RNF213: variants seen among roughly 807,000 people sequenced by gnomAD.
RNF213 encodes the protein ring finger protein 213.
Under a neutral mutation model 514.4 loss-of-function variants are expected in RNF213, and 341 were observed. That is an observed-to-expected ratio of 0.66 (90% CI 0.61 to 0.73). The LOEUF is 0.73. RNF213 is among the 30% of genes least tolerant of loss of function. The pLI is 0.00. For synonymous variants in RNF213, 2,655 were observed against 2,658.2 expected, an observed-to-expected ratio of 1.00 and a Z score of 0.04; for missense variants, 5,767 against 6,615.6, an observed-to-expected ratio of 0.87 and a Z score of 4.45.
chr17:80,280,743 C>A (rs1172353898), intron 3 of RNF213, among the ~76,000 whole-genome samples: 3 of 152,138 alleles, frequency 2.0e-5, no homozygotes, highest in Admixed American at 1.3e-4. Flanking sequence ...GCATAAACCA[C>A]CACCCTAGCC....
chr17:80,290,626 A>T lies in RNF213; in HGVS notation c.1169A>T (p.His390Leu), dbSNP rs1338243292. 2.5e-6 allele frequency: 4 copies of T among 1,613,964 alleles called. No homozygotes were observed. The African/African-American group carries it at 5.3e-5, about 22-fold the overall frequency. ...TVFFHAIISLHFPFNPDLHKV... is the reference protein window; with the variant it reads ...TVFFHAIISLLFPFNPDLHKV... ...TTCTTCCACGCCATCATCTCTCTTC[A>T]TTTCCCATTCAATCCTGACCTCCAT... Residue 390 changes from histidine to leucine, a missense_variant, in exon 7 of 68, where the codon CAT becomes CTT. By Grantham distance (99) the His-to-Leu change is moderately conservative. Coordinates refer to ENST00000582970, the MANE Select transcript of RNF213 (RefSeq NM_001256071.3).
At chr17:80,359,698 G>A (rs890311887) in intron 37 of RNF213, among the ~76,000 whole-genome samples, 2 of 152,152 alleles carry the variant, frequency 1.3e-5, no homozygotes, top group South Asian at 2.1e-4. Flanking sequence ...AAGACAAGGC[G>A]CTGCTGATGT....
intron 2 of RNF213, among the ~76,000 whole-genome samples, chr17:80,268,829 T>C (rs541031539): frequency 6.6e-6 from 1 of 152,296 alleles, no homozygotes; most frequent in South Asian, 2.1e-4. Flanking sequence ...TATGGAGAAT[T>C]GGCTCACACA....
rs772520105 is a variant in RNF213, at chr17:80,369,787, ATCTC to A, written c.12352_12355del (p.Ser4118HisfsTer15). On this transcript the variant is annotated frameshift_variant, in exon 46 of 68. Coordinates refer to ENST00000582970, the MANE Select transcript of RNF213 (RefSeq NM_001256071.3). LOFTEE classifies it high-confidence loss of function. ...TTTAAGGACACTGTGAACACACAAA[ATCTC>A]TCTCTCCATTCAATGATGTTGTGGA... 5 of 1,613,876 alleles carry A rather than the reference ATCTC, an allele frequency of 3.1e-6. No individual in the cohort carries two copies. Among genetic ancestry groups the A allele is most frequent in the South Asian group, 1.1e-5 (1 of 91,068 alleles).
chr17:80,268,984 C>T (rs530633863), intron 2 of RNF213, among the ~76,000 whole-genome samples: 4 of 152,328 alleles, frequency 2.6e-5, no homozygotes, highest in African/African-American at 9.6e-5. Context: ...CGAGATCCCC[C>T]TGGCAAACCA....
At chr17:80,313,711 TGGA>T (rs2045671432) in intron 15 of RNF213, among the ~76,000 whole-genome samples, 2 of 144,014 alleles carry the variant, frequency 1.4e-5, no homozygotes, top group Admixed American at 6.9e-5. Context: ...ATGGTGGTGA[TGGA>T]GGTGGTGGTG....
chr17:80,315,591 G>GTGGTGA (rs199610554), intron 15 of RNF213: 2 of 5,718 alleles, frequency 3.5e-4, no homozygotes, highest in Admixed American at 3.7e-3. Context: ...GATGGTGGTG[G>GTGGTGA]TGGTGGTGGT....
chr17:80,263,773 T>C lies in RNF213; in HGVS notation c.92T>C (p.Ile31Thr). Residue 31 changes from isoleucine to threonine, a missense_variant, in exon 2 of 68, where the codon ATA (isoleucine) becomes ACA (threonine). Physicochemically the swap from Ile to Thr is moderately conservative, Grantham distance 89. Coordinates refer to ENST00000582970, the MANE Select transcript of RNF213 (RefSeq NM_001256071.3). This position sits in a 1 kb window ranked among gnomAD's most constrained non-coding sequence, Gnocchi z 4.9. ...CGERLPPAAP[I>T]ADSENNNSTM... ...GAGAGGCTGCCTCCTGCAGCCCCCA[T>C]AGCAGGTGAGGCCCAGGGGTGCTGG... 1.2e-6 allele frequency: 2 copies of C among 1,613,752 alleles called. No homozygotes were observed. The highest frequency in any genetic ancestry group is 1.7e-6 in the Non-Finnish European group (2 of 1,179,760).
intron 11 of RNF213, among the ~76,000 whole-genome samples, chr17:80,302,603 C>A (rs2045219492): frequency 6.6e-6 from 1 of 152,140 alleles, no homozygotes; most frequent in South Asian, 2.1e-4. Context: ...TGCCTATAAT[C>A]CCAGTACTTT....
Position 80,359,972 on chromosome 17 carries a change from A to G in RNF213, c.11055-89A>G, listed in dbSNP as rs1474456598. On this transcript the variant is annotated intron_variant, in intron 37 of 67. Coordinates refer to ENST00000582970, the MANE Select transcript of RNF213 (RefSeq NM_001256071.3). Reference sequence around the variant, plus strand: ...TTGGCCCCTTTGTTTTTGAGGTCTGAGAAGAGCTGGCATCAGTGGCAGATC... The same window carrying G: ...TTGGCCCCTTTGTTTTTGAGGTCTGGGAAGAGCTGGCATCAGTGGCAGATC... 1.2e-5 allele frequency: 17 copies of G among 1,404,148 alleles called. No individual in the cohort carries two copies. The South Asian group carries it at 1.4e-4, about 12-fold the overall frequency. 87.0% of individuals were successfully genotyped at this position (1,404,148 alleles called of 1,614,324 possible).
chr17:80,261,037 CTCCAAGT>C (rs2043397618), intron 1 of RNF213, 135 bp downstream of exon 1: 1 of 151,840 alleles, frequency 6.6e-6, no homozygotes, highest in Non-Finnish European at 1.5e-5. Flanking sequence ...TTCCTGCCGG[CTCCAAGT>C]TTCGGTTTCG....
At position 80,376,863 on chromosome 17, in the gene RNF213, C is replaced by G. The variant is rs765675931; in HGVS notation, c.13429-19C>G. On this transcript the variant is annotated intron_variant, in intron 52 of 67. Transcript: ENST00000582970. ...CAAGCTCACTTATCTAGAGCTGTCTCTGTCTTCTTGTTTTTCAGCATGCTT... is the reference window on the plus strand; with the variant it reads ...CAAGCTCACTTATCTAGAGCTGTCTGTGTCTTCTTGTTTTTCAGCATGCTT... 4 of 1,610,644 alleles carry G rather than the reference C, an allele frequency of 2.5e-6. No individual in the cohort carries two copies. The highest frequency in any genetic ancestry group is 1.1e-5 in the South Asian group (1 of 90,678).
In RNF213 at chr17:80,325,080, T is replaced by C. The variant is rs2046243843; in HGVS notation, c.3075T>C (p.Phe1025=). Residue 1025 remains phenylalanine (F), a synonymous_variant, in exon 18 of 68, where the codon TTT becomes TTC. Coordinates refer to ENST00000582970, the MANE Select transcript of RNF213 (RefSeq NM_001256071.3). ...QGFSYSDLRK[F]GIVLSAVITK... ...TCTCTTACTCTGATTTGCGGAAATT[T>C]GGCATCGTCTTGTCTGCTGTGATCA... 2.0e-6 allele frequency: 3 copies of C among 1,537,142 alleles called. No homozygotes were observed. In the Admixed American group the frequency reaches 5.9e-5, roughly 30 times the overall value.
In RNF213 at chr17:80,394,663, A is replaced by G. The variant is rs1265939026; in HGVS notation, c.*1165A>G. On this transcript the variant is annotated 3_prime_UTR_variant, in exon 68 of 68. Coordinates refer to ENST00000582970, the MANE Select transcript of RNF213 (RefSeq NM_001256071.3). ...AACGACTTAACTTGAAATTGGGCCTAAGGAGTGAGAACTACAAAAATACAA... is the reference window on the plus strand; with the variant it reads ...AACGACTTAACTTGAAATTGGGCCTGAGGAGTGAGAACTACAAAAATACAA... 2 of 152,200 alleles carry G rather than the reference A, an allele frequency of 1.3e-5. No homozygotes were observed. Among genetic ancestry groups the G allele is most frequent in the African/African-American group, 4.8e-5 (2 of 41,436 alleles). The allele number at this position is 152,200 out of a possible 1,614,324, so 9.4% of individuals were successfully genotyped here. A position where few individuals can be genotyped will look rare whatever the true frequency, so the allele number is the denominator to read the frequency against.
intron 6 of RNF213, among the ~76,000 whole-genome samples, chr17:80,290,224 T>C (rs896963766): frequency 6.6e-6 from 1 of 152,232 alleles, no homozygotes; most frequent in Non-Finnish European, 1.5e-5. Flanking sequence ...GTGTCACACG[T>C]GGACGTGCTT....
intron 50 of RNF213, 50 bp downstream of exon 50, chr17:80,374,639 G>A (rs563328364): frequency 6.2e-7 from 1 of 1,605,428 alleles, no homozygotes; most frequent in African/African-American, 1.3e-5. Flanking sequence ...ATCCCTTGGA[G>A]CCTGCATGTT....
In RNF213 at chr17:80,395,253, AT is replaced by A. The variant is rs932211247; in HGVS notation, c.*1756del. On this transcript the variant is annotated 3_prime_UTR_variant, in exon 68 of 68. Coordinates refer to ENST00000582970, the MANE Select transcript of RNF213 (RefSeq NM_001256071.3). ...CCTAGCAGAGGCAAAAAAAAAAAAA[AT>A]GAATTTTATTTTACTTGTCACACCT... 3.3e-5 allele frequency: 5 copies of A among 151,308 alleles called. No individual in the cohort carries two copies. The highest frequency in any genetic ancestry group is 1.2e-4 in the African/African-American group (5 of 40,914). 9.4% of individuals were successfully genotyped at this position (151,308 alleles called of 1,614,324 possible).
At chr17:80,273,192 A>T in intron 2 of RNF213, 49 bp from the exon 3 acceptor site, 1 of 1,604,986 alleles carries the variant, frequency 6.2e-7, no homozygotes, top group South Asian at 1.1e-5. Flanking sequence ...TTCCTTCCTA[A>T]CACTCGCTTC....
chr17:80,312,388 G>T (rs2045601264), intron 14 of RNF213, among the ~76,000 whole-genome samples: 1 of 152,118 alleles, frequency 6.6e-6, no homozygotes, highest in African/African-American at 2.4e-5. Context: ...GGAGGCGGGG[G>T]GAGAGCATGA....
Sources: allele counts gnomAD v4.1 joint callset (sites outside exome capture counted in the v4.1 genomes callset), GRCh38; gene constraint gnomAD v4.1.1; non-coding constraint Gnocchi (gnomAD v3.1); transcripts MANE v1.5; gene names NCBI Gene and HGNC (gene_info 2026-07-23, HGNC 2026-07-21).